Variants in PHACTR3 observed in about 807,000 individuals in gnomAD.
PHACTR3 encodes phosphatase and actin regulator 3, also known as protein phosphatase 1, regulatory subunit 123.
In PHACTR3, 16 loss-of-function variants were observed where a neutral mutation model predicts 66.8. That is an observed-to-expected ratio of 0.24 (90% CI 0.16 to 0.36). The LOEUF (loss-of-function observed/expected upper bound fraction) is 0.36. PHACTR3 is among the 10% of genes least tolerant of loss of function. The pLI is 1.00. For synonymous variants in PHACTR3, 323 were observed against 292.1 expected, an observed-to-expected ratio of 1.11 and a Z score of -1.08; for missense variants, 647 against 719.9, an observed-to-expected ratio of 0.90 and a Z score of 1.16.
At chr20:59,812,345 C>G (rs527896712) in intron 8 of PHACTR3, among the ~76,000 whole-genome samples, 4 of 152,344 alleles carry the variant, frequency 2.6e-5, no homozygotes, top group African/African-American at 9.6e-5. Flanking sequence ...TAGCGGATCT[C>G]TGAGTGGCTT....
chr20:59,590,569 T>C (rs2033153475), intron 1 of PHACTR3, among the ~76,000 whole-genome samples: 1 of 152,126 alleles, frequency 6.6e-6, no homozygotes, highest in African/African-American at 2.4e-5. Flanking sequence ...AGCCTGGTGG[T>C]TAAGAAGGAG....
chr20:59,767,441 C>T (rs756672718), intron 5 of PHACTR3, 46 bp downstream of exon 5: 3 of 1,555,526 alleles, frequency 1.9e-6, no homozygotes, highest in Non-Finnish European at 2.6e-6. Flanking sequence ...TTCTCTGCCC[C>T]ATCCATCCAT....
At chr20:59,618,863 T>G (rs957040003) in intron 1 of PHACTR3, among the ~76,000 whole-genome samples, 1 of 152,130 alleles carries the variant, frequency 6.6e-6, no homozygotes, top group Non-Finnish European at 1.5e-5. Context: ...GCTGAGAGCC[T>G]GGAACTGTTT....
intron 8 of PHACTR3, among the ~76,000 whole-genome samples, chr20:59,834,782 G>C (rs2145487319): frequency 6.6e-6 from 1 of 152,274 alleles, no homozygotes; most frequent in Non-Finnish European, 1.5e-5. Flanking sequence ...CCACGGCATT[G>C]ACCACTCTCT....
chr20:59,832,087 G>A (rs545896224), intron 8 of PHACTR3, among the ~76,000 whole-genome samples: 8 of 152,272 alleles, frequency 5.3e-5, no homozygotes, highest in African/African-American at 1.9e-4. Flanking sequence ...TCCCAGCTGT[G>A]TCCCTGCTGG....
intron 1 of PHACTR3, among the ~76,000 whole-genome samples, chr20:59,661,440 A>G (rs559717576): frequency 2.0e-5 from 3 of 152,212 alleles, no homozygotes; most frequent in African/African-American, 4.8e-5. Context: ...GTCATTTGTT[A>G]TAACAGCCCT....
intron 1 of PHACTR3, among the ~76,000 whole-genome samples, chr20:59,741,100 T>C (rs1379759052): frequency 2.0e-5 from 3 of 152,190 alleles, no homozygotes; most frequent in Non-Finnish European, 4.4e-5. Context: ...CTGACAAAGG[T>C]GACCTCCTTC....
At chr20:59,715,919 A>C (rs890366291) in intron 1 of PHACTR3, among the ~76,000 whole-genome samples, 1 of 152,244 alleles carries the variant, frequency 6.6e-6, no homozygotes. Context: ...GTAGCACACC[A>C]GACACTGCAG....
intron 7 of PHACTR3, among the ~76,000 whole-genome samples, chr20:59,788,316 G>C (rs1487269895): frequency 6.6e-6 from 1 of 152,182 alleles, no homozygotes; most frequent in Non-Finnish European, 1.5e-5. Context: ...CAGAAGGCCT[G>C]CCTGGGCGCT....
intron 1 of PHACTR3, among the ~76,000 whole-genome samples, chr20:59,581,745 G>A (rs2032864911): frequency 6.6e-6 from 1 of 152,164 alleles, no homozygotes; most frequent in South Asian, 2.1e-4. Flanking sequence ...GCTGGGAGTG[G>A]TGGCAGGTGC....
chr20:59,695,304 C>T (rs896902221), intron 1 of PHACTR3, among the ~76,000 whole-genome samples: 3 of 152,142 alleles, frequency 2.0e-5, no homozygotes, highest in Non-Finnish European at 2.9e-5. Flanking sequence ...TGGATTTCCC[C>T]TTGCTGTTCT....
intron 1 of PHACTR3, among the ~76,000 whole-genome samples, chr20:59,624,180 ATGGG>A (rs1314080139): frequency 6.6e-6 from 1 of 152,022 alleles, no homozygotes; most frequent in East Asian, 1.9e-4. Flanking sequence ...TGGTGCTCTC[ATGGG>A]TGTTTGGATA....
Position 59,616,970 on chromosome 20 carries a change from T to C in PHACTR3, c.118+11838T>C, listed in dbSNP as rs541278501. ...CTGGCTTTCCCCGCTCGCTTCCCCG[T>C]TGGGAGTCTAATACAGCCTGCCTTT... On this transcript the variant is annotated intron_variant, in intron 1 of 12. Transcript: ENST00000371015. 1.4e-3 allele frequency among the ~76,000 whole-genome samples: 220 copies of C among 152,304 alleles called. 4 individuals are homozygous for C. The highest frequency in any genetic ancestry group is 4.9e-3 in the African/African-American group (203 of 41,570).
chr20:59,830,736 A>G lies in PHACTR3; in HGVS notation c.1329-5769A>G, dbSNP rs2042342980. On this transcript the variant is annotated intron_variant, in intron 8 of 12. Coordinates refer to ENST00000371015, the MANE Select transcript of PHACTR3 (RefSeq NM_080672.5). This position sits in a 1 kb window ranked among gnomAD's most constrained non-coding sequence, Gnocchi z 5.8. The stretch of plus-strand genomic sequence containing the variant: ...ATTTAGTGTTCTCGACTCTCCCAGC[A>G]TCCCTGTGGGTTTTGTTGGCAGGTG... 6.6e-6 allele frequency among the ~76,000 whole-genome samples: 1 copy of G among 152,158 alleles called. No homozygotes were observed. The highest frequency in any genetic ancestry group is 6.5e-5 in the Admixed American group (1 of 15,274).
intron 7 of PHACTR3, among the ~76,000 whole-genome samples, chr20:59,784,875 A>AT (rs1254176440): frequency 2.6e-5 from 4 of 152,194 alleles, no homozygotes; most frequent in African/African-American, 9.7e-5. Context: ...GCAAGGGCTC[A>AT]TTCAATCTTG....
At chr20:59,771,279 G>C (rs1001311675) in intron 5 of PHACTR3, among the ~76,000 whole-genome samples, 1 of 152,184 alleles carries the variant, frequency 6.6e-6, no homozygotes, top group African/African-American at 2.4e-5. Context: ...AGAGGGGCTG[G>C]GGGATGCTGC....
chr20:59,801,367 A>G (rs1010525777), intron 7 of PHACTR3, among the ~76,000 whole-genome samples: 1 of 152,200 alleles, frequency 6.6e-6, no homozygotes, highest in African/African-American at 2.4e-5. Flanking sequence ...GGTTTTATAC[A>G]TTTTGACTTT....
At chr20:59,648,456 G>A (rs2035357500) in intron 1 of PHACTR3, among the ~76,000 whole-genome samples, 1 of 152,196 alleles carries the variant, frequency 6.6e-6, no homozygotes, top group Admixed American at 6.5e-5. Context: ...AAAAGGTGGT[G>A]ATGGCAATTG....
intron 1 of PHACTR3, among the ~76,000 whole-genome samples, chr20:59,702,631 C>A (rs1444630671): frequency 1.3e-5 from 2 of 152,334 alleles, no homozygotes; most frequent in East Asian, 3.9e-4. Context: ...GAGGGAGGGA[C>A]CACATCTGGC....
Sources: gnomAD v4.1 joint callset for allele counts (sites outside exome capture counted in the v4.1 genomes callset) on GRCh38, gnomAD v4.1.1 for gene constraint, Gnocchi (gnomAD v3.1) non-coding constraint, MANE v1.5 for transcripts, NCBI Gene and HGNC (gene_info 2026-07-23, HGNC 2026-07-21) for gene names.